IL17RD: variants seen among roughly 807,000 people sequenced by gnomAD.
IL17RD encodes interleukin 17 receptor D, also known as interleukin-17 receptor D.
A neutral mutation model predicts 80.5 loss-of-function variants in IL17RD; 52 were observed. The ratio of observed to expected loss-of-function variants is 0.65; its 90% CI spans 0.52 to 0.81. The LOEUF (loss-of-function observed/expected upper bound fraction) is 0.81. Ranked by LOEUF, IL17RD falls within the 40% of genes least tolerant of loss-of-function variation. IL17RD has a pLI of 0.00. For missense variants in IL17RD, 1,024 were observed against 955.1 expected (o/e 1.07, Z -0.95); for synonymous variants, 416 against 391.8 (o/e 1.06, Z -0.73).
intron 1 of IL17RD, chr3:57,134,764 C>T (rs1204968703): frequency 2.0e-6 from 1 of 491,166 alleles, no homozygotes; most frequent in Non-Finnish European, 3.8e-6. Context: ...TCAGCGATTA[C>T]GTAGATCAAC....
At chr3:57,167,485 G>A (rs560174175), upstream of IL17RD, among the ~76,000 whole-genome samples, 250 of 152,278 alleles carry the variant, frequency 1.6e-3, no homozygotes, top group Non-Finnish European at 3.1e-3. Flanking sequence ...GCCAGGGGCT[G>A]AGATGAGGCC....
intron 3 of IL17RD, among the ~76,000 whole-genome samples, chr3:57,111,731 A>T (rs954388906): frequency 5.3e-5 from 8 of 151,900 alleles, no homozygotes; most frequent in African/African-American, 1.5e-4. Flanking sequence ...AGCACTTTGG[A>T]AGGCCGAGGC....
At chr3:57,131,261 GC>G (rs1377341347) in intron 1 of IL17RD, among the ~76,000 whole-genome samples, 2 of 151,960 alleles carry the variant, frequency 1.3e-5, no homozygotes, top group Non-Finnish European at 2.9e-5. Context: ...GAGCAGCACT[GC>G]CTTTCTACAG....
At position 57,133,287 on chromosome 3, in the gene IL17RD, C is replaced by G. The variant is rs139451941; in HGVS notation, c.127-12974G>C. The stretch of plus-strand genomic sequence containing the variant: ...AACACTAATGATCCCTGTAACTTTA[C>G]ATCGTCCTACTATTTGGATGGAAGC... On this transcript the variant is annotated intron_variant, in intron 1 of 12. Coordinates refer to ENST00000296318, the MANE Select transcript of IL17RD (RefSeq NM_017563.5). Among the ~76,000 whole-genome samples, 151 of 152,310 alleles carry G rather than the reference C, an allele frequency of 9.9e-4. 1 individual carries two copies. Among genetic ancestry groups the G allele is most frequent in the Non-Finnish European group, 1.8e-3 (124 of 68,028 alleles).
intron 1 of IL17RD, among the ~76,000 whole-genome samples, chr3:57,163,530 T>C (rs528720661): frequency 6.6e-6 from 1 of 151,992 alleles, no homozygotes; most frequent in Non-Finnish European, 1.5e-5. Flanking sequence ...TCGGACTGAT[T>C]TACCTACGCC....
At position 57,114,814 on chromosome 3, in the gene IL17RD, C is replaced by A; in HGVS notation, c.188G>T (p.Cys63Phe). 6.3e-7 allele frequency: 1 copy of A among 1,585,012 alleles called. No homozygotes were observed. The highest frequency in any genetic ancestry group is 8.6e-7 in the Non-Finnish European group (1 of 1,168,686). ...CCCCACTGGATTCAAGTAGGTGGTA[C>A]AATCTAGAGAGTAGGGAGAATGAGA... is the stretch of plus-strand genomic sequence containing the variant. Reference protein sequence around the residue: ...LYNITFKYDNCTTYLNPVGKH... With the variant: ...LYNITFKYDNFTTYLNPVGKH... The change falls in exon 3 of 13, where the codon TGT becomes TTT. Residue 63 changes from cysteine (C) to phenylalanine (F), a missense_variant. Transcript: ENST00000296318.
chr3:57,117,251 C>A (rs891677358), intron 2 of IL17RD, among the ~76,000 whole-genome samples: 10 of 151,812 alleles, frequency 6.6e-5, no homozygotes. Context: ...GTAGCTGGGA[C>A]TACAGGCACA....
At chr3:57,139,827 T>C (rs1017555347) in intron 1 of IL17RD, among the ~76,000 whole-genome samples, 12 of 152,202 alleles carry the variant, frequency 7.9e-5, no homozygotes, top group African/African-American at 2.9e-4. Context: ...GAAAACCTTT[T>C]TGATTACACA....
chr3:57,101,167 T>G lies in IL17RD; in HGVS notation c.1164+12A>C. 6.2e-7 allele frequency: 1 copy of G among 1,611,722 alleles called. No homozygotes were observed. Among genetic ancestry groups the G allele is most frequent in the Admixed American group, 1.7e-5 (1 of 59,892 alleles). On this transcript the variant is annotated intron_variant, in intron 11 of 12. Coordinates refer to ENST00000296318, the MANE Select transcript of IL17RD (RefSeq NM_017563.5). ...CTGGCCAGGGTAGGAGAAGGAACTT[T>G]AGATTCCGCACCTCACAGCCACAGA... is the stretch of plus-strand genomic sequence containing the variant.
intron 2 of IL17RD, among the ~76,000 whole-genome samples, chr3:57,115,732 C>A (rs1707201851): frequency 6.6e-6 from 1 of 152,168 alleles, no homozygotes; most frequent in Admixed American, 6.5e-5. Context: ...TGCTTCATCC[C>A]CATTTCTTTC....
chr3:57,141,153 A>G (rs1239736901), intron 1 of IL17RD, among the ~76,000 whole-genome samples: 1 of 152,126 alleles, frequency 6.6e-6, no homozygotes, highest in Non-Finnish European at 1.5e-5. Context: ...CCTCCTGCCT[A>G]AGCCTCCCAA....
At chr3:57,157,033 G>A (rs1336813079) in intron 1 of IL17RD, among the ~76,000 whole-genome samples, 3 of 152,118 alleles carry the variant, frequency 2.0e-5, no homozygotes, top group African/African-American at 7.2e-5. Context: ...GGGATGATGG[G>A]GTCGGCCAGG....
upstream of IL17RD, among the ~76,000 whole-genome samples, chr3:57,168,544 C>T (rs75918192): frequency 0.01 from 1,525 of 152,274 alleles, 33 homozygotes; most frequent in African/African-American, 0.035. Flanking sequence ...CTAGGAAGGC[C>T]ACCAGCATGT....
intron 2 of IL17RD, among the ~76,000 whole-genome samples, chr3:57,119,632 C>A (rs144662456): frequency 0.029 from 4,393 of 152,084 alleles, 100 homozygotes; most frequent in Admixed American, 0.044. Context: ...GACTGCAGAT[C>A]CCTGGCCCAT....
intron 1 of IL17RD, among the ~76,000 whole-genome samples, chr3:57,129,053 G>A (rs760536853): frequency 6.6e-6 from 1 of 152,032 alleles, no homozygotes; most frequent in Admixed American, 6.6e-5. Flanking sequence ...CCTCCGCTTC[G>A]CACACCACTC....
chr3:57,134,765 G>A (rs56164953), intron 1 of IL17RD: 100,352 of 482,908 alleles, frequency 0.21, 12,899 homozygotes, highest in African/African-American at 0.39. Context: ...CAGCGATTAC[G>A]TAGATCAACC....
At chr3:57,116,996 C>T (rs528647811) in intron 2 of IL17RD, among the ~76,000 whole-genome samples, 2 of 151,680 alleles carry the variant, frequency 1.3e-5, no homozygotes, top group East Asian at 3.9e-4. Context: ...TGAAAAGATG[C>T]ATGAACAAGA....
Position 57,114,885 on chromosome 3 carries a change from C to A in IL17RD, c.185-68G>T, listed in dbSNP as rs76242753. On this transcript the variant is annotated intron_variant, in intron 2 of 12. Transcript: ENST00000296318. ...ATTTTTATTTTCAGGTTCATCTTAT[C>A]AAAATAAACAGGGCATGTCTGAAGG... 4.0e-5 allele frequency: 53 copies of A among 1,326,514 alleles called. No individual in the cohort carries two copies. In the East Asian group the frequency reaches 1.2e-3, roughly 31 times the overall value. 82.2% of individuals were successfully genotyped at this position (1,326,514 alleles called of 1,614,324 possible). A position where few individuals can be genotyped will look rare whatever the true frequency, so the allele number is the denominator to read the frequency against.
chr3:57,170,240 A>G (rs1220728988), upstream of IL17RD: 1 of 152,194 alleles, frequency 6.6e-6, no homozygotes, highest in East Asian at 1.9e-4. Flanking sequence ...TACCTTGGCC[A>G]CTACACGGAA....
Sources: allele counts gnomAD v4.1 joint callset (sites outside exome capture counted in the v4.1 genomes callset), GRCh38; gene constraint gnomAD v4.1.1; transcripts MANE v1.5; gene names NCBI Gene and HGNC (gene_info 2026-07-23, HGNC 2026-07-21).